Variants in RBM19 observed in about 807,000 individuals in gnomAD.
The protein encoded by RBM19 is probable RNA-binding protein 19.
Under a neutral mutation model 116.8 loss-of-function variants are expected in RBM19, and 94 were observed. That is an observed-to-expected ratio of 0.80 (90% CI 0.68 to 0.95). RBM19 has a LOEUF of 0.95. RBM19 is among the 40% of genes least tolerant of loss of function. RBM19 has a pLI of 0.00. For missense variants in RBM19, 1,161 were observed against 1,220.7 expected, an observed-to-expected ratio of 0.95 and a Z score of 0.73; for synonymous variants, 475 against 494.1, an observed-to-expected ratio of 0.96 and a Z score of 0.51.
chr12:113,834,745 G>A (rs1016025956), intron 23 of RBM19, among the ~76,000 whole-genome samples: 6 of 152,168 alleles, frequency 3.9e-5, no homozygotes, highest in African/African-American at 1.4e-4. Context: ...TACAGGGTAC[G>A]ATGGAACACC....
At chr12:113,934,325 T>A (rs906214359) in intron 16 of RBM19, among the ~76,000 whole-genome samples, 1 of 152,250 alleles carries the variant, frequency 6.6e-6, no homozygotes, top group Non-Finnish European at 1.5e-5. Flanking sequence ...ATGCCCGTTT[T>A]ACAGATATGG....
At chr12:113,911,595 C>T (rs1360106241) in intron 21 of RBM19, among the ~76,000 whole-genome samples, 1 of 152,122 alleles carries the variant, frequency 6.6e-6, no homozygotes, top group Non-Finnish European at 1.5e-5. Context: ...GATTAAGTGC[C>T]TCATTTGTAC....
chr12:113,914,028 T>C (rs1882619134), intron 21 of RBM19, among the ~76,000 whole-genome samples: 1 of 152,238 alleles, frequency 6.6e-6, no homozygotes, highest in South Asian at 2.1e-4. Flanking sequence ...CATTCATGGC[T>C]TGGTGCTGGG....
intron 21 of RBM19, among the ~76,000 whole-genome samples, chr12:113,875,440 T>C (rs1487274025): frequency 6.6e-6 from 1 of 152,148 alleles, no homozygotes; most frequent in Admixed American, 6.5e-5. Context: ...AGAGGTCTAA[T>C]CGGGTCTGTG....
At chr12:113,863,779 T>C (rs999780557) in intron 21 of RBM19, among the ~76,000 whole-genome samples, 4 of 152,198 alleles carry the variant, frequency 2.6e-5, no homozygotes, top group Non-Finnish European at 5.9e-5. Flanking sequence ...GGTTTCATGA[T>C]AAGAATAAAC....
chr12:113,861,488 G>A (rs1878373096), intron 21 of RBM19, among the ~76,000 whole-genome samples: 1 of 147,024 alleles, frequency 6.8e-6, no homozygotes, highest in Non-Finnish European at 1.5e-5. Context: ...GTGTGTGTGT[G>A]TGTGTGTGTG....
chr12:113,864,244 G>A (rs1489730050), intron 21 of RBM19, among the ~76,000 whole-genome samples: 5 of 152,206 alleles, frequency 3.3e-5, no homozygotes, highest in Admixed American at 2.0e-4. Flanking sequence ...AGATGATGCA[G>A]AGTGCAGGGA....
intron 1 of RBM19, 114 bp from the exon 2 acceptor site, chr12:113,962,528 A>AG (rs1872594434): frequency 9.9e-7 from 1 of 1,008,418 alleles, no homozygotes; most frequent in African/African-American, 1.6e-5. Context: ...TTAGATGAAG[A>AG]GGGGCAGAGT....
chr12:113,913,241 T>C (rs1258411438), intron 21 of RBM19, among the ~76,000 whole-genome samples: 1 of 152,212 alleles, frequency 6.6e-6, no homozygotes, highest in Non-Finnish European at 1.5e-5. Flanking sequence ...AAGCCCGTTT[T>C]AATCTGGCAG....
intron 18 of RBM19, 64 bp from the exon 19 acceptor site, chr12:113,920,754 G>A: frequency 7.0e-7 from 1 of 1,420,992 alleles, no homozygotes; most frequent in South Asian, 1.1e-5. Flanking sequence ...AAGTGCAAGG[G>A]CTGTGACGGG....
At chr12:113,915,230 G>A in intron 20 of RBM19, 145 bp from the exon 21 acceptor site, 1 of 701,022 alleles carries the variant, frequency 1.4e-6, no homozygotes, top group Admixed American at 2.1e-5. Flanking sequence ...TGAAAGGAGA[G>A]GAAGGCCGTC....
chr12:113,957,905 C>G lies in RBM19; in HGVS notation c.717G>C (p.Gly239=), dbSNP rs767866439. 6.8e-6 allele frequency: 11 copies of G among 1,614,170 alleles called. No individual in the cohort carries two copies. Among genetic ancestry groups the G allele is most frequent in the Non-Finnish European group, 9.3e-6 (11 of 1,180,024 alleles). The stretch of plus-strand genomic sequence containing the variant: ...AGGAATCCTCTTCCTCGGCCTCACT[C>G]CCTTCATCACAGTGCACGGCTTCAT... ...SEDEAVHCDE[G]SEAEEEDSSA... is the part of the protein sequence containing the mutation. The change falls in exon 6 of 24, where the codon GGG becomes GGC. Residue 239 remains glycine, a synonymous_variant. Transcript: ENST00000261741.
intron 23 of RBM19, among the ~76,000 whole-genome samples, chr12:113,826,326 C>T (rs1057318221): frequency 6.6e-6 from 1 of 152,182 alleles, no homozygotes; most frequent in Non-Finnish European, 1.5e-5. Flanking sequence ...GGGGTTTCTG[C>T]CTGTTTTGTC....
In RBM19 at chr12:113,927,035, G is replaced by C; in HGVS notation, c.2244+19C>G. 3.7e-6 allele frequency: 6 copies of C among 1,609,934 alleles called. No individual in the cohort carries two copies. Among genetic ancestry groups the C allele is most frequent in the Non-Finnish European group, 5.1e-6 (6 of 1,178,126 alleles). The stretch of plus-strand genomic sequence containing the variant: ...TTCCCATCCCACGCCCCTCCCTCCT[G>C]GGCTGAGAAACCACTCACTTCCTTC... On this transcript the variant is annotated intron_variant, in intron 17 of 23. Transcript: ENST00000261741.
intron 19 of RBM19, 126 bp downstream of exon 19, chr12:113,920,485 G>A (rs1381528322): frequency 6.8e-6 from 6 of 879,224 alleles, no homozygotes; most frequent in Non-Finnish European, 1.1e-5. Flanking sequence ...AGAGATCTGG[G>A]AAAAGCAATG....
intron 21 of RBM19, among the ~76,000 whole-genome samples, chr12:113,907,735 C>T (rs892344652): frequency 6.6e-5 from 10 of 152,168 alleles, no homozygotes; most frequent in Admixed American, 2.0e-4. Context: ...TCTGTGAGGA[C>T]GTGCCAAATC....
chr12:113,818,476 C>A (rs1043576762), downstream of RBM19, among the ~76,000 whole-genome samples: 9 of 152,344 alleles, frequency 5.9e-5, no homozygotes, highest in Middle Eastern at 3.4e-3. Flanking sequence ...GAGTCCCTAT[C>A]CCGCCCCAGC....
intron 23 of RBM19, among the ~76,000 whole-genome samples, chr12:113,824,763 G>A (rs1054569863): frequency 3.3e-5 from 5 of 151,902 alleles, no homozygotes; most frequent in African/African-American, 7.3e-5. Context: ...CTTCAATCTC[G>A]TCCCTCCCAA....
At chr12:113,914,879 C>A (rs1757338628) in intron 21 of RBM19, 90 bp downstream of exon 21, 10 of 1,129,528 alleles carry the variant, frequency 8.9e-6, no homozygotes, top group Admixed American at 3.5e-5. Flanking sequence ...TGCAACGGAA[C>A]CATCCAGGAC....
Sources: gnomAD v4.1 joint callset for allele counts (sites outside exome capture counted in the v4.1 genomes callset) on GRCh38, gnomAD v4.1.1 for gene constraint, MANE v1.5 for transcripts, NCBI Gene and HGNC (gene_info 2026-07-23, HGNC 2026-07-21) for gene names.